ATP2A3: variants seen among roughly 807,000 people sequenced by gnomAD.
The protein encoded by ATP2A3 is ATPase sarcoplasmic/endoplasmic reticulum Ca2+ transporting 3, also known as sarcoplasmic/endoplasmic reticulum calcium ATPase 3.
In ATP2A3, 61 loss-of-function variants were observed where a neutral mutation model predicts 106.8. The observed-to-expected ratio is 0.57, with a 90% CI of 0.46 to 0.71. The LOEUF (loss-of-function observed/expected upper bound fraction) is 0.71. ATP2A3 is among the 30% of genes least tolerant of loss of function. ATP2A3 has a pLI of 0.00. For synonymous variants in ATP2A3, 611 were observed against 609.3 expected (o/e 1.00, Z -0.04); for missense variants, 1,201 against 1,423.5 (o/e 0.84, Z 2.52).
chr17:3,944,945 G>C (rs1489467459), intron 9 of ATP2A3, 115 bp downstream of exon 9: 3 of 1,328,952 alleles, frequency 2.3e-6, no homozygotes, highest in Non-Finnish European at 3.0e-6. Context: ...CCCGCCCCGG[G>C]AGAGGCTCCG....
At position 3,935,255 on chromosome 17, in the gene ATP2A3, C is replaced by G; in HGVS notation, c.2547G>C (p.Val849=). The G allele has an allele frequency of 6.2e-7, 1 of 1,613,888 alleles. No homozygotes were observed. Among genetic ancestry groups the G allele is most frequent in the East Asian group, 2.2e-5 (1 of 44,880 alleles). Residue 849 remains valine (V), a synonymous_variant, in exon 17 of 21, where the codon GTG becomes GTC. Transcript: ENST00000397041. ...AIGVYVGLAT[V]AAATWWFVYD... ...ACACAAACCACCAGGTGGCGGCAGC[C>G]ACTGTGGCCAGGCCTACGTACACTG...
intron 17 of ATP2A3, among the ~76,000 whole-genome samples, chr17:3,933,951 T>C (rs189299610): frequency 1.3e-5 from 2 of 151,266 alleles, no homozygotes; most frequent in African/African-American, 2.5e-5. Context: ...TGAGACTGCG[T>C]CTTGCTCTGT....
chr17:3,925,392 A>C lies in ATP2A3; in HGVS notation c.*30T>G, dbSNP rs879942595. 4 of 1,613,830 alleles carry C rather than the reference A, an allele frequency of 2.5e-6. No homozygotes were observed. The highest frequency in any genetic ancestry group is 1.3e-5 in the African/African-American group (1 of 74,970). ...CATGGGCACCATCAGTCTGAGGTAC[A>C]CACCGGAGACTCCACTCTGTTCCCA... On this transcript the variant is annotated 3_prime_UTR_variant, in exon 21 of 21. Coordinates refer to ENST00000397041, the MANE Select transcript of ATP2A3 (RefSeq NM_005173.4). This position sits in a 1 kb window ranked among gnomAD's most constrained non-coding sequence, Gnocchi z 4.2.
At chr17:3,937,017 A>G (rs1342856281) in intron 15 of ATP2A3, 2 of 342,844 alleles carry the variant, frequency 5.8e-6, no homozygotes, top group Non-Finnish European at 1.1e-5. Flanking sequence ...CACATGCAAA[A>G]TATACACATT....
chr17:3,947,281 C>G lies in ATP2A3; in HGVS notation c.1095+110G>C. 2.2e-6 allele frequency: 3 copies of G among 1,346,004 alleles called. No individual in the cohort carries two copies. The highest frequency in any genetic ancestry group is 3.1e-6 in the Non-Finnish European group (3 of 958,162). The allele number at this position is 1,346,004 out of a possible 1,614,324, so 83.4% of individuals were successfully genotyped here. ...ACCTGCTCTGGGCCAAGGGACAGCC[C>G]ACAGATTCTCTCCTCCATCCCTCAC... On this transcript the variant is annotated intron_variant, in intron 8 of 20. Transcript: ENST00000397041. The surrounding 1 kb of genome is among the most constrained non-coding windows in gnomAD (Gnocchi z 7.7).
intron 12 of ATP2A3, among the ~76,000 whole-genome samples, 163 bp from the exon 13 acceptor site, chr17:3,941,817 G>A (rs1274358012): frequency 6.6e-6 from 1 of 152,238 alleles, no homozygotes; most frequent in Non-Finnish European, 1.5e-5. Context: ...TTCAGAATGA[G>A]AACCAAGTGG....
At position 3,944,821 on chromosome 17, in the gene ATP2A3, C is replaced by T. The variant is rs1265461214; in HGVS notation, c.1185-15G>A. On this transcript the variant is annotated splice_polypyrimidine_tract_variant and intron_variant, in intron 9 of 20. Transcript: ENST00000397041. Reference sequence around the variant, plus strand: ...CCCCCTGCCGCCTGCGGAGCCGGGGCGGTCACCAGGAGGACCTCGGCTCCG... The same window carrying T: ...CCCCCTGCCGCCTGCGGAGCCGGGGTGGTCACCAGGAGGACCTCGGCTCCG... The T allele has an allele frequency of 5.6e-6, 9 of 1,600,696 alleles. No homozygotes were observed. Among genetic ancestry groups the T allele is most frequent in the Admixed American group, 1.7e-5 (1 of 58,678 alleles).
rs376607630 is a variant in ATP2A3 at position 3,925,362 on chromosome 17, G to A, written c.*60C>T. ...GGTGGCAAGGGTGGGGGGCGGAGGCGAACACATGGGCACCATCAGTCTGAG... is the reference window on the plus strand; with the variant it reads ...GGTGGCAAGGGTGGGGGGCGGAGGCAAACACATGGGCACCATCAGTCTGAG... On this transcript the variant is annotated 3_prime_UTR_variant, in exon 21 of 21. Coordinates refer to ENST00000397041, the MANE Select transcript of ATP2A3 (RefSeq NM_005173.4). The surrounding 1 kb of genome is among the most constrained non-coding windows in gnomAD (Gnocchi z 4.2). 22 of 1,613,364 alleles carry A rather than the reference G, an allele frequency of 1.4e-5. No homozygotes were observed. The highest frequency in any genetic ancestry group is 4.5e-5 in the East Asian group (2 of 44,886).
chr17:3,943,602 C>T (rs2053913076), intron 10 of ATP2A3, 80 bp from the exon 11 acceptor site: 9 of 1,599,268 alleles, frequency 5.6e-6, no homozygotes, highest in Non-Finnish European at 7.7e-6. Flanking sequence ...CTCCTTGCCC[C>T]TGCAGCTGCC....
Position 3,936,540 on chromosome 17 carries a change from C to T in ATP2A3, c.2322-71G>A, listed in dbSNP as rs754242075. 2 of 1,545,816 alleles carry T rather than the reference C, an allele frequency of 1.3e-6. No individual in the cohort carries two copies. The highest frequency in any genetic ancestry group is 1.8e-6 in the Non-Finnish European group (2 of 1,121,514). The stretch of plus-strand genomic sequence containing the variant: ...GCAGATGCAGGCTCCAGCTCCTGCT[C>T]AGACCCAAGGCTGGGAGCTCACCCA... On this transcript the variant is annotated intron_variant, in intron 15 of 20. Transcript: ENST00000397041. The surrounding 1 kb of genome is among the most constrained non-coding windows in gnomAD (Gnocchi z 5.4).
chr17:3,943,310 T>G, intron 11 of ATP2A3, 81 bp downstream of exon 11: 1 of 1,571,642 alleles, frequency 6.4e-7, no homozygotes, highest in South Asian at 1.1e-5. Context: ...AACAAAAACT[T>G]CAGTGTCCTG....
chr17:3,943,131 A>T (rs1279777310), intron 11 of ATP2A3, among the ~76,000 whole-genome samples: 2 of 152,146 alleles, frequency 1.3e-5, no homozygotes, highest in African/African-American at 2.4e-5. Flanking sequence ...CTACTAAAAA[A>T]TGCAAAAATT....
chr17:3,940,937 C>T, intron 14 of ATP2A3, 34 bp downstream of exon 14: 1 of 1,612,114 alleles, frequency 6.2e-7, no homozygotes, highest in Non-Finnish European at 8.5e-7. Flanking sequence ...CCCCACTCAT[C>T]ACCCCCTCCT....
Position 3,936,198 on chromosome 17 carries a change from A to C in ATP2A3, c.2524+69T>G. Reference sequence around the variant, plus strand: ...AGCCAGGCTGAGTCACACTGTCTGCAGCTTGCAAGCCTGATACAAGGCTCT... The same window carrying C: ...AGCCAGGCTGAGTCACACTGTCTGCCGCTTGCAAGCCTGATACAAGGCTCT... On this transcript the variant is annotated intron_variant, in intron 16 of 20. Transcript: ENST00000397041. The surrounding 1 kb of genome is among the most constrained non-coding windows in gnomAD (Gnocchi z 5.4). 1 of 1,579,284 alleles carries C rather than the reference A, an allele frequency of 6.3e-7. No homozygotes were observed. The highest frequency in any genetic ancestry group is 8.7e-7 in the Non-Finnish European group (1 of 1,149,206).
rs555048239 is a variant in ATP2A3, at chr17:3,933,608, C to T, written c.2610+1584G>A. Among the ~76,000 whole-genome samples the T allele has an allele frequency of 1.1e-4, 17 of 149,852 alleles. 1 individual carries two copies. The South Asian group carries it at 1.5e-3, about 13-fold the overall frequency. ...AAAATTAGCCGGGCATGGTGGTGGG[C>T]GCCTGTAGTCCCAGCTAATGGGGAG... On this transcript the variant is annotated intron_variant, in intron 17 of 20. Coordinates refer to ENST00000397041, the MANE Select transcript of ATP2A3 (RefSeq NM_005173.4).
In ATP2A3 at chr17:3,951,552, C is replaced by G. The variant is rs534147116; in HGVS notation, c.324+29G>C. 542 of 1,365,994 alleles carry G rather than the reference C, an allele frequency of 4.0e-4. 11 individuals are homozygous for G. The South Asian group carries it at 5.9e-3, about 15-fold the overall frequency. 84.6% of individuals were successfully genotyped at this position (1,365,994 alleles called of 1,614,324 possible). On this transcript the variant is annotated intron_variant, in intron 4 of 20. Coordinates refer to ENST00000397041, the MANE Select transcript of ATP2A3 (RefSeq NM_005173.4). ...TCCTAGTGGCTGGGAGACCGCCCCCCGCCCGGTCCCACCCCCAGTGCCTCC... is the reference window on the plus strand; with the variant it reads ...TCCTAGTGGCTGGGAGACCGCCCCCGGCCCGGTCCCACCCCCAGTGCCTCC...
At chr17:3,933,809 G>A (rs1041009318) in intron 17 of ATP2A3, among the ~76,000 whole-genome samples, 1 of 151,636 alleles carries the variant, frequency 6.6e-6, no homozygotes, top group Non-Finnish European at 1.5e-5. Flanking sequence ...AAGCCCTGGA[G>A]GAGCCCATTT....
rs2144586804 is a variant in ATP2A3, at chr17:3,947,296, C to G, written c.1095+95G>C. On this transcript the variant is annotated intron_variant, in intron 8 of 20. Transcript: ENST00000397041. The surrounding 1 kb of genome is among the most constrained non-coding windows in gnomAD (Gnocchi z 7.7). ...AGGGACAGCCCACAGATTCTCTCCT[C>G]CATCCCTCACTGAAAAGGAGGTGGG... 6.9e-7 allele frequency: 1 copy of G among 1,446,078 alleles called. No homozygotes were observed. Among genetic ancestry groups the G allele is most frequent in the East Asian group, 2.3e-5 (1 of 42,994 alleles). 89.6% of individuals were successfully genotyped at this position (1,446,078 alleles called of 1,614,324 possible).
Position 3,930,641 on chromosome 17 carries a change from G to A in ATP2A3, c.2611-207C>T, listed in dbSNP as rs377425047. ...CTGCACCGTGCCAGGGAGAAGCAAG[G>A]GCACAGCGTGGGAAAGGCAGACGTT... On this transcript the variant is annotated intron_variant, in intron 17 of 20. Transcript: ENST00000397041. The surrounding 1 kb of genome is among the most constrained non-coding windows in gnomAD (Gnocchi z 5.4). 30 of 676,406 alleles carry A rather than the reference G, an allele frequency of 4.4e-5. No individual in the cohort carries two copies. Among genetic ancestry groups the A allele is most frequent in the Non-Finnish European group, 5.8e-5 (23 of 395,972 alleles). 41.9% of individuals were successfully genotyped at this position (676,406 alleles called of 1,614,324 possible).
Sources: allele counts gnomAD v4.1 joint callset (sites outside exome capture counted in the v4.1 genomes callset), GRCh38; gene constraint gnomAD v4.1.1; non-coding constraint Gnocchi (gnomAD v3.1); transcripts MANE v1.5; gene names NCBI Gene and HGNC (gene_info 2026-07-23, HGNC 2026-07-21).